AK9: variants seen among roughly 807,000 people sequenced by gnomAD.
AK9 encodes the protein adenylate kinase domain containing 1.
AK9 carries 191 observed loss-of-function variants against 239.6 expected under a neutral mutation model. The observed-to-expected ratio is 0.80, with a 90% CI of 0.71 to 0.90. AK9 has a LOEUF of 0.90. AK9 is among the 40% of genes least tolerant of loss of function. The pLI is 0.00. For missense variants in AK9, 1,995 were observed against 2,214.7 expected (o/e 0.90, Z 1.99); for synonymous variants, 689 against 721.0 (o/e 0.96, Z 0.71).
At chr6:109,602,433 C>T (rs192539949) in intron 17 of AK9, among the ~76,000 whole-genome samples, 1,783 of 152,200 alleles carry the variant, frequency 0.012, 31 homozygotes, top group African/African-American at 0.039. Flanking sequence ...GAGTTTCTGC[C>T]GAGAGATCCG....
intron 21 of AK9, among the ~76,000 whole-genome samples, chr6:109,570,620 A>G (rs1255568189): frequency 6.6e-6 from 1 of 152,146 alleles, no homozygotes; most frequent in Non-Finnish European, 1.5e-5. Context: ...AAGGTGGAGA[A>G]GGTAAACCAG....
chr6:109,513,341 T>C (rs375041934), intron 32 of AK9, among the ~76,000 whole-genome samples: 1 of 143,676 alleles, frequency 7.0e-6, no homozygotes, highest in East Asian at 2.4e-4. Flanking sequence ...GTATGAACCA[T>C]ATTCCTTAAT....
intron 8 of AK9, among the ~76,000 whole-genome samples, chr6:109,650,497 C>T (rs1388555579): frequency 2.0e-5 from 3 of 150,998 alleles, no homozygotes; most frequent in Non-Finnish European, 4.4e-5. Flanking sequence ...TCATCACTGG[C>T]CGTCCAAGAA....
intron 5 of AK9, among the ~76,000 whole-genome samples, chr6:109,669,594 T>C (rs1305828837): frequency 6.6e-6 from 1 of 152,200 alleles, no homozygotes; most frequent in East Asian, 1.9e-4. Flanking sequence ...GTTTTTAGCA[T>C]GAAGGGCTGT....
chr6:109,641,469 C>A, intron 10 of AK9, 49 bp downstream of exon 10: 1 of 1,505,124 alleles, frequency 6.6e-7, no homozygotes, highest in South Asian at 1.2e-5. Context: ...GCACCCTGCC[C>A]ACAACATATA....
At chr6:109,628,141 T>G (rs973645631) in intron 12 of AK9, among the ~76,000 whole-genome samples, 1 of 152,190 alleles carries the variant, frequency 6.6e-6, no homozygotes, top group Admixed American at 6.5e-5. Context: ...TTACAGTGTG[T>G]CAGCTCAATG....
chr6:109,534,861 T>A (rs190257584), intron 27 of AK9, among the ~76,000 whole-genome samples: 10 of 152,000 alleles, frequency 6.6e-5, no homozygotes, highest in Admixed American at 3.9e-4. Context: ...CGGTGTTTGG[T>A]TTTTTGTCCT....
chr6:109,514,344 T>C lies in AK9; in HGVS notation c.4159A>G (p.Lys1387Glu). ...TTCATAAATTTTTCTTTTGTTTCTTTACTAGATAAAAAATAAATATACTGA... is the reference window on the plus strand; with the variant it reads ...TTCATAAATTTTTCTTTTGTTTCTTCACTAGATAAAAAATAAATATACTGA... ...HRQYIYFLSS[K>E]ETKEKFMKNP... is the part of the protein sequence containing the mutation. The change falls in exon 32 of 41, where the codon AAA (lysine) becomes GAA (glutamate). Residue 1387 changes from lysine to glutamate, a missense_variant. Lys to Glu is a moderately conservative substitution (Grantham distance 56). Coordinates refer to ENST00000424296, the MANE Select transcript of AK9 (RefSeq NM_001145128.3). 2 of 1,551,192 alleles carry C rather than the reference T, an allele frequency of 1.3e-6. No individual in the cohort carries two copies. The highest frequency in any genetic ancestry group is 2.4e-5 in the East Asian group (1 of 40,912).
At chr6:109,518,905 T>G (rs1279883358) in intron 29 of AK9, among the ~76,000 whole-genome samples, 1 of 152,104 alleles carries the variant, frequency 6.6e-6, no homozygotes, top group Non-Finnish European at 1.5e-5. Context: ...TATGATTGAT[T>G]GTGTCACCCG....
At chr6:109,627,333 CGT>C (rs1364466738) in intron 12 of AK9, among the ~76,000 whole-genome samples, 6 of 151,804 alleles carry the variant, frequency 4.0e-5, no homozygotes, top group Non-Finnish European at 8.8e-5. Flanking sequence ...TTACAGTTAA[CGT>C]TTTCTACAAG....
In AK9 at chr6:109,542,495, A is replaced by G. The variant is rs538350989; in HGVS notation, c.3226-324T>C. Among the ~76,000 whole-genome samples, 15 of 152,364 alleles carry G rather than the reference A, an allele frequency of 9.8e-5. No homozygotes were observed. In the South Asian group the frequency reaches 3.1e-3, roughly 32 times the overall value. On this transcript the variant is annotated intron_variant, in intron 26 of 40. Transcript: ENST00000424296. ...GAAATGCTCCCAACACATAGCAATGATAAGTGCTCAAGGTGATGGATATCA... is the reference window on the plus strand; with the variant it reads ...GAAATGCTCCCAACACATAGCAATGGTAAGTGCTCAAGGTGATGGATATCA...
Position 109,610,351 on chromosome 6 carries a change from G to A in AK9, c.1842+14C>T, listed in dbSNP as rs780791825. The A allele has an allele frequency of 6.4e-6, 10 of 1,550,482 alleles. No individual in the cohort carries two copies. The African/African-American group carries it at 1.2e-4, about 19-fold the overall frequency. ...TTAAGTCACTGATAAGAATTGCCCA[G>A]CTAGATTTTTTACCTCTCCAAGGAC... On this transcript the variant is annotated intron_variant, in intron 17 of 40. Transcript: ENST00000424296.
At chr6:109,495,174 TATTTTAACCACTACATATAAACAAA>T (rs57523914) in intron 39 of AK9, among the ~76,000 whole-genome samples, 139 bp downstream of exon 39, 4,395 of 152,336 alleles carry the variant, frequency 0.029, 101 homozygotes, top group East Asian at 0.11. Flanking sequence ...TCACACATTT[TATTTTAACCACTACATATAAACAAA>T]ATAGGCTGAG....
rs995841981 is a variant in AK9 at position 109,573,584 on chromosome 6, C to G, written c.2202G>C (p.Glu734Asp). The G allele has an allele frequency of 4.5e-6, 7 of 1,542,966 alleles. No individual in the cohort carries two copies. The highest frequency in any genetic ancestry group is 2.1e-5 in the Admixed American group (1 of 48,702). Residue 734 changes from glutamate (E) to aspartate (D), a missense_variant, in exon 21 of 41, where the codon GAG becomes GAC. Glu to Asp is a conservative substitution (Grantham distance 45, BLOSUM62 2). Around this residue, in one of 5 missense-constraint regions of AK9, gnomAD observed 1,290 missense variants for 1,392.7 expected, o/e 0.93. Transcript: ENST00000424296. The part of the protein sequence containing the change: ...LMKVKAKEAE[E>D]TDNEDEEEIE... ...TCTCCTCTTCATCCTCATTATCAGT[C>G]TCTTCAGCTTCTAAAAAAATTTGAA...
chr6:109,583,787 T>C (rs1409062198), intron 19 of AK9, among the ~76,000 whole-genome samples: 1 of 152,096 alleles, frequency 6.6e-6, no homozygotes, highest in African/African-American at 2.4e-5. Flanking sequence ...AAGTTAAAGG[T>C]ATACATATTT....
intron 19 of AK9, among the ~76,000 whole-genome samples, chr6:109,584,627 T>G (rs1245674533): frequency 6.6e-6 from 1 of 152,100 alleles, no homozygotes; most frequent in Non-Finnish European, 1.5e-5. Context: ...AAAAAGTCAT[T>G]CATTATACCC....
At chr6:109,497,400 C>A (rs1777184554) in intron 38 of AK9, 65 bp downstream of exon 38, 2 of 991,866 alleles carry the variant, frequency 2.0e-6, no homozygotes, top group African/African-American at 1.6e-5. Context: ...ACTCCTCTCC[C>A]CCGTTCCCAG....
chr6:109,623,689 G>A (rs769632428), intron 12 of AK9, among the ~76,000 whole-genome samples: 1 of 152,142 alleles, frequency 6.6e-6, no homozygotes, highest in Non-Finnish European at 1.5e-5. Flanking sequence ...AGTAATAAAT[G>A]AGAAACACAC....
At chr6:109,592,668 G>A (rs1027444134) in intron 17 of AK9, among the ~76,000 whole-genome samples, 3 of 151,880 alleles carry the variant, frequency 2.0e-5, no homozygotes, top group Non-Finnish European at 4.4e-5. Flanking sequence ...GGATGGTCTC[G>A]ATCTCCTGAC....
Sources: gnomAD v4.1 joint callset for allele counts (sites outside exome capture counted in the v4.1 genomes callset) on GRCh38, gnomAD v4.1.1 for gene constraint, gnomAD v4.1.1 regional missense constraint, MANE v1.5 for transcripts, NCBI Gene and HGNC (gene_info 2026-07-23, HGNC 2026-07-21) for gene names.